The following ALMS1 variants were observed in gnomAD, a reference collection of about 807,000 sequenced individuals.
ALMS1 encodes the protein ALMS1 centrosome and basal body associated protein.
A neutral mutation model predicts 352.2 loss-of-function variants in ALMS1; 271 were observed. That is an observed-to-expected ratio of 0.77 (90% CI 0.70 to 0.85). The LOEUF is 0.85. ALMS1 is among the 40% of genes least tolerant of loss of function. The pLI, the probability that ALMS1 is intolerant of heterozygous loss-of-function variation, is 0.00. For missense variants in ALMS1, 5,445 were observed against 4,870.7 expected (o/e 1.12, Z -3.51); for synonymous variants, 1,865 against 1,761.2 (o/e 1.06, Z -1.48).
chr2:73,566,965 G>A (rs1674813925), intron 15 of ALMS1, among the ~76,000 whole-genome samples: 1 of 152,224 alleles, frequency 6.6e-6, no homozygotes, highest in Non-Finnish European at 1.5e-5. Context: ...CAAGGTATAG[G>A]GAAGGTGCAC....
At chr2:73,432,051 C>A (rs1016295063) in intron 6 of ALMS1, 147 bp from the exon 7 acceptor site, 2 of 636,636 alleles carry the variant, frequency 3.1e-6, no homozygotes, top group Non-Finnish European at 5.7e-6. Context: ...TCTTAGTGTT[C>A]CTCTTTGTAA....
intron 15 of ALMS1, among the ~76,000 whole-genome samples, chr2:73,570,956 TTC>T (rs1674914259): frequency 1.3e-5 from 2 of 152,222 alleles, no homozygotes; most frequent in Admixed American, 6.5e-5. Context: ...CCAGTAAAAT[TTC>T]TCTTATATCA....
intron 7 of ALMS1, among the ~76,000 whole-genome samples, chr2:73,434,201 A>G (rs1341934774): frequency 6.6e-6 from 1 of 151,776 alleles, no homozygotes; most frequent in East Asian, 1.9e-4. Context: ...GTGGACAGTT[A>G]GGTTATTGAT....
chr2:73,415,737 A>G (rs904330922), intron 2 of ALMS1, among the ~76,000 whole-genome samples: 1 of 152,160 alleles, frequency 6.6e-6, no homozygotes, highest in African/African-American at 2.4e-5. Context: ...TTTCTCCAGC[A>G]ACGTGCTGCT....
chr2:73,492,020 C>T (rs1285317458), intron 10 of ALMS1, among the ~76,000 whole-genome samples: 1 of 152,182 alleles, frequency 6.6e-6, no homozygotes, highest in African/African-American at 2.4e-5. Context: ...ATTAGCATCG[C>T]CAGTAAAACA....
At chr2:73,541,567 T>C (rs1183437044) in intron 12 of ALMS1, among the ~76,000 whole-genome samples, 1 of 152,138 alleles carries the variant, frequency 6.6e-6, no homozygotes. Context: ...CAAAAAATCA[T>C]TGAATCCAGG....
intron 16 of ALMS1, among the ~76,000 whole-genome samples, chr2:73,580,225 T>C (rs533235313): frequency 6.6e-6 from 1 of 152,126 alleles, no homozygotes; most frequent in African/African-American, 2.4e-5. Context: ...CTACAAGGCA[T>C]GCACCACCAC....
At position 73,424,701 on chromosome 2, in the gene ALMS1, A is replaced by T; in HGVS notation, c.1036A>T (p.Met346Leu). 1.2e-6 allele frequency: 2 copies of T among 1,614,158 alleles called. No individual in the cohort carries two copies. Among genetic ancestry groups the T allele is most frequent in the Non-Finnish European group, 1.7e-6 (2 of 1,180,020 alleles). ...TCGTTATGATGATCTTTGTTCATAT[A>T]TGTCATGGAAGACACGAAAAGATAC... ...CDRYDDLCSY[M>L]SWKTRKDTQW... Residue 346 changes from methionine (M) to leucine (L), a missense_variant, in exon 5 of 23, where the codon ATG becomes TTG. Transcript: ENST00000613296.
At position 73,597,795 on chromosome 2, in the gene ALMS1, T is replaced by C. The variant is rs548062436; in HGVS notation, c.11548-1606T>C. Among the ~76,000 whole-genome samples, 43 of 151,980 alleles carry C rather than the reference T, an allele frequency of 2.8e-4. No individual in the cohort carries two copies. The East Asian group carries it at 5.0e-3, about 18-fold the overall frequency. On this transcript the variant is annotated intron_variant, in intron 16 of 22. Transcript: ENST00000613296. The stretch of plus-strand genomic sequence containing the variant: ...CTGACACAGAGCTTTTTTTTTTTTT[T>C]CCCTGCATCAAAGTTGCTGCCATTC...
intron 10 of ALMS1, among the ~76,000 whole-genome samples, chr2:73,519,542 A>G (rs1483689085): frequency 1.3e-5 from 2 of 152,240 alleles, no homozygotes; most frequent in Non-Finnish European, 2.9e-5. Flanking sequence ...ATATAATTTA[A>G]CATTCTAAAT....
At chr2:73,503,977 T>C (rs1172648648) in intron 10 of ALMS1, among the ~76,000 whole-genome samples, 2 of 152,220 alleles carry the variant, frequency 1.3e-5, no homozygotes, top group Non-Finnish European at 2.9e-5. Context: ...AACTTACTTA[T>C]TAATTTGTAT....
At position 73,402,513 on chromosome 2, in the gene ALMS1, T is replaced by A. The variant is rs1277173442; in HGVS notation, c.325-6109T>A. On this transcript the variant is annotated intron_variant, in intron 1 of 22. Coordinates refer to ENST00000613296, the MANE Select transcript of ALMS1 (RefSeq NM_001378454.1). ...GGTCTCAAACTCCTAACCTCAGTGA[T>A]CCTCCCACCGTGTTTGGATTACAGG... Among the ~76,000 whole-genome samples the A allele has an allele frequency of 2.0e-5, 3 of 151,936 alleles. No individual in the cohort carries two copies. In the East Asian group the frequency reaches 5.8e-4, roughly 29 times the overall value.
At chr2:73,478,807 T>G (rs1329096448) in intron 9 of ALMS1, among the ~76,000 whole-genome samples, 5 of 152,076 alleles carry the variant, frequency 3.3e-5, no homozygotes, top group Admixed American at 3.3e-4. Context: ...CTGCATACGT[T>G]AGGTATTTGT....
intron 1 of ALMS1, among the ~76,000 whole-genome samples, chr2:73,393,558 T>G (rs1395893318): frequency 2.0e-5 from 3 of 152,122 alleles, no homozygotes; most frequent in Non-Finnish European, 4.4e-5. Flanking sequence ...CACCCCACTC[T>G]CACACTCCCC....
intron 6 of ALMS1, among the ~76,000 whole-genome samples, chr2:73,428,569 G>A (rs1671440202): frequency 6.6e-6 from 1 of 152,120 alleles, no homozygotes; most frequent in Admixed American, 6.5e-5. Flanking sequence ...TAGATAAAAT[G>A]TATTTTAAAA....
rs776499179 is a variant in ALMS1, at chr2:73,557,225, T to C, written c.10084T>C (p.Ser3362Pro). The change falls in exon 14 of 23, where the codon TCA becomes CCA. Residue 3362 changes from serine (S) to proline (P), a missense_variant. Ser to Pro is a moderately conservative substitution (Grantham distance 74). Coordinates refer to ENST00000613296, the MANE Select transcript of ALMS1 (RefSeq NM_001378454.1). The stretch of plus-strand genomic sequence containing the variant: ...AAATGATGTCGTTATTCCAGATGCC[T>C]CAGTTCAAGTGCTAATCACTGGGGA... ...KPLQNENADA[S>P]VQVLITGDEN... 6.2e-7 allele frequency: 1 copy of C among 1,614,102 alleles called. No individual in the cohort carries two copies. The highest frequency in any genetic ancestry group is 8.5e-7 in the Non-Finnish European group (1 of 1,179,986).
chr2:73,452,774 G>A lies in ALMS1; in HGVS notation c.6247G>A (p.Val2083Met). The change falls in exon 8 of 23, where the codon GTG becomes ATG. Residue 2083 changes from valine to methionine, a missense_variant. Transcript: ENST00000613296. ...TTCAGCTGTCCCTGAACTAACTGAT[G>A]TGAATACTGGAAAACCAGTATCTCT... ...KISAVPELTD[V>M]NTGKPVSLSS... The A allele has an allele frequency of 6.2e-7, 1 of 1,613,434 alleles. No homozygotes were observed. Among genetic ancestry groups the A allele is most frequent in the African/African-American group, 1.3e-5 (1 of 75,036 alleles).
chr2:73,420,712 G>A (rs949068586), intron 3 of ALMS1, among the ~76,000 whole-genome samples: 5 of 152,158 alleles, frequency 3.3e-5, no homozygotes, highest in African/African-American at 1.2e-4. Context: ...GTTTTCTAAT[G>A]TAAAGTTTTA....
At chr2:73,442,755 A>T (rs1671743077) in intron 7 of ALMS1, among the ~76,000 whole-genome samples, 2 of 152,126 alleles carry the variant, frequency 1.3e-5, no homozygotes, top group South Asian at 2.1e-4. Flanking sequence ...TAATATCAAC[A>T]CCCAGGGCTT....
Sources: gnomAD v4.1 joint callset for allele counts (sites outside exome capture counted in the v4.1 genomes callset) on GRCh38, gnomAD v4.1.1 for gene constraint, MANE v1.5 for transcripts, NCBI Gene and HGNC (gene_info 2026-07-23, HGNC 2026-07-21) for gene names.